The following CDH7 variants were observed in gnomAD, a reference collection of about 807,000 sequenced individuals.
CDH7 encodes the protein cadherin 7, also known as cadherin-7.
In CDH7, 25 loss-of-function variants were observed where a neutral mutation model predicts 71.8. The ratio of observed to expected loss-of-function variants is 0.35; its 90% CI spans 0.25 to 0.49. The LOEUF (loss-of-function observed/expected upper bound fraction) is 0.49, where lower values mean the gene tolerates loss of function less well. Among genes scored for constraint, CDH7 ranks in the 20% least tolerant of loss-of-function variants. CDH7 has a pLI of 0.99. For synonymous variants in CDH7, 381 were observed against 363.8 expected, an observed-to-expected ratio of 1.05 and a Z score of -0.54; for missense variants, 862 against 974.6, an observed-to-expected ratio of 0.88 and a Z score of 1.54.
At chr18:65,855,413 C>T (rs570170929) in intron 7 of CDH7, among the ~76,000 whole-genome samples, 6 of 150,712 alleles carry the variant, frequency 4.0e-5, no homozygotes, top group African/African-American at 7.3e-5. Flanking sequence ...TTACACACCC[C>T]GCAAACATAA....
chr18:65,821,441 T>G (rs910569970), intron 4 of CDH7, among the ~76,000 whole-genome samples: 1 of 152,168 alleles, frequency 6.6e-6, no homozygotes, highest in Non-Finnish European at 1.5e-5. Context: ...AGGTGTTACT[T>G]AAAGTGAGCC....
chr18:65,841,758 G>C (rs1022881417), intron 6 of CDH7, among the ~76,000 whole-genome samples: 1 of 152,084 alleles, frequency 6.6e-6, no homozygotes, highest in African/African-American at 2.4e-5. Context: ...ATATCTGCCT[G>C]TACCTCGTCC....
intron 11 of CDH7, chr18:65,863,118 GC>G: frequency 1.7e-5 from 10 of 602,994 alleles, no homozygotes; most frequent in Non-Finnish European, 2.9e-5. Flanking sequence ...GCTCACTGCA[GC>G]CTCTGCCTCC....
At chr18:65,820,136 G>A (rs561334185) in intron 4 of CDH7, among the ~76,000 whole-genome samples, 3 of 143,514 alleles carry the variant, frequency 2.1e-5, no homozygotes, top group Non-Finnish European at 4.5e-5. Flanking sequence ...TATTTTACAT[G>A]CACAATGCTT....
intron 2 of CDH7, among the ~76,000 whole-genome samples, chr18:65,801,197 A>G (rs900521849): frequency 6.6e-5 from 10 of 152,304 alleles, no homozygotes; most frequent in Middle Eastern, 3.4e-3. Context: ...CATATAGTAG[A>G]TAGTCCATAG....
At chr18:65,822,025 G>C in intron 4 of CDH7, 56 bp from the exon 5 acceptor site, 2 of 1,335,776 alleles carry the variant, frequency 1.5e-6, no homozygotes, top group Non-Finnish European at 2.2e-6. Context: ...AGTATTCTTT[G>C]TTAGTATAAA....
intron 2 of CDH7, among the ~76,000 whole-genome samples, chr18:65,790,220 CAAAA>C (rs10552878): frequency 1.5e-5 from 1 of 66,508 alleles, no homozygotes; most frequent in Admixed American, 1.9e-4. Context: ...GACTCTCTCT[CAAAA>C]AAAAAAAAAA....
Position 65,882,882 on chromosome 18 carries a change from C to G in CDH7, c.*1988C>G, listed in dbSNP as rs979784040. ...AGGAATTACAGAGTTGTTAAGTCAG[C>G]AAGGTGCTGAGAAAACAGTTTGTAA... is the stretch of plus-strand genomic sequence containing the variant. On this transcript the variant is annotated 3_prime_UTR_variant, in exon 12 of 12. Transcript: ENST00000397968. 1.3e-5 allele frequency: 2 copies of G among 152,040 alleles called. No individual in the cohort carries two copies. The highest frequency in any genetic ancestry group is 4.8e-5 in the African/African-American group (2 of 41,418). The allele number at this position is 152,040 out of a possible 1,614,324, so 9.4% of individuals were successfully genotyped here.
chr18:65,826,605 A>G (rs991287202), intron 6 of CDH7, among the ~76,000 whole-genome samples: 1 of 12,704 alleles, frequency 7.9e-5, no homozygotes, highest in Non-Finnish European at 5.4e-4. Context: ...AACAGATTAT[A>G]AGAAAAATGT....
chr18:65,776,397 C>G lies in CDH7; in HGVS notation c.210+13345C>G, dbSNP rs1470288460. ...ACACACACACACACACACACACACACACACAGAGAGAGAGAGAGGGAAGAG... is the reference window on the plus strand; with the variant it reads ...ACACACACACACACACACACACACAGACACAGAGAGAGAGAGAGGGAAGAG... On this transcript the variant is annotated intron_variant, in intron 2 of 11. Coordinates refer to ENST00000397968, the MANE Select transcript of CDH7 (RefSeq NM_004361.5). 2.4e-3 allele frequency among the ~76,000 whole-genome samples: 360 copies of G among 147,170 alleles called. 3 individuals are homozygous for G. The highest frequency in any genetic ancestry group is 9.0e-3 in the African/African-American group (345 of 38,130).
At chr18:65,821,934 G>T in intron 4 of CDH7, 147 bp from the exon 5 acceptor site, 4 of 596,168 alleles carry the variant, frequency 6.7e-6, no homozygotes, top group South Asian at 4.3e-5. Flanking sequence ...TATTTCTTTG[G>T]TCTTTAATAC....
rs538363815 is a variant in CDH7, at chr18:65,773,034, C to T, written c.210+9982C>T. Among the ~76,000 whole-genome samples the T allele has an allele frequency of 7.9e-5, 12 of 152,204 alleles. 1 individual carries two copies. In the Middle Eastern group the frequency reaches 0.01, roughly 129 times the overall value. Reference sequence around the variant, plus strand: ...ATTTCTCTGTTAACTCTGGGTACATCGATAAAGTCCAGTTTTTCAGTTTTT... The same window carrying T: ...ATTTCTCTGTTAACTCTGGGTACATTGATAAAGTCCAGTTTTTCAGTTTTT... On this transcript the variant is annotated intron_variant, in intron 2 of 11. Coordinates refer to ENST00000397968, the MANE Select transcript of CDH7 (RefSeq NM_004361.5).
At chr18:65,861,213 T>C (rs1215589653) in intron 10 of CDH7, among the ~76,000 whole-genome samples, 1 of 152,146 alleles carries the variant, frequency 6.6e-6, no homozygotes, top group East Asian at 1.9e-4. Context: ...AAGGAAAACA[T>C]ATGAATACAG....
At chr18:65,770,935 T>G (rs557723404) in intron 2 of CDH7, among the ~76,000 whole-genome samples, 1 of 152,306 alleles carries the variant, frequency 6.6e-6, no homozygotes, top group African/African-American at 2.4e-5. Flanking sequence ...CAATAGAAAT[T>G]TCTTTCTCAT....
At position 65,813,775 on chromosome 18, in the gene CDH7, G is replaced by A. The variant is rs193205091; in HGVS notation, c.506-710G>A. Among the ~76,000 whole-genome samples, 13 of 152,244 alleles carry A rather than the reference G, an allele frequency of 8.5e-5. No homozygotes were observed. The East Asian group carries it at 2.5e-3, about 29-fold the overall frequency. ...AGAAGAAATGCTTTCCATATTGAAT[G>A]TGTGAATATATAGTAAATGAAGAAA... On this transcript the variant is annotated intron_variant, in intron 3 of 11. Coordinates refer to ENST00000397968, the MANE Select transcript of CDH7 (RefSeq NM_004361.5).
chr18:65,811,652 C>A (rs368386514), intron 3 of CDH7, among the ~76,000 whole-genome samples: 1 of 152,110 alleles, frequency 6.6e-6, no homozygotes, highest in Non-Finnish European at 1.5e-5. Context: ...AGATTAGTAA[C>A]GTTTAGTAAA....
chr18:65,756,459 T>C (rs1158929891), intron 1 of CDH7, among the ~76,000 whole-genome samples: 1 of 152,236 alleles, frequency 6.6e-6, no homozygotes, highest in African/African-American at 2.4e-5. Flanking sequence ...TCATTCTCCA[T>C]CTAGTCATAA....
At chr18:65,770,121 C>T (rs1443065786) in intron 2 of CDH7, among the ~76,000 whole-genome samples, 1 of 152,056 alleles carries the variant, frequency 6.6e-6, no homozygotes, top group African/African-American at 2.4e-5. Context: ...ATCTATAAGA[C>T]AGTTAGGTAA....
chr18:65,769,575 C>T (rs1275206886), intron 2 of CDH7, among the ~76,000 whole-genome samples: 1 of 152,170 alleles, frequency 6.6e-6, no homozygotes, highest in Non-Finnish European at 1.5e-5. Context: ...TGATTAACAG[C>T]ATATATTCAA....
Sources: allele counts gnomAD v4.1 joint callset (sites outside exome capture counted in the v4.1 genomes callset), GRCh38; gene constraint gnomAD v4.1.1; transcripts MANE v1.5; gene names NCBI Gene and HGNC (gene_info 2026-07-23, HGNC 2026-07-21).